Variants in CLSTN2 observed in about 807,000 individuals in gnomAD.
CLSTN2 encodes calsyntenin 2.
A neutral mutation model predicts 101.2 loss-of-function variants in CLSTN2; 48 were observed. The ratio of observed to expected loss-of-function variants is 0.47; its 90% CI spans 0.38 to 0.60. CLSTN2 has a LOEUF of 0.60. CLSTN2 is among the 20% of genes least tolerant of loss of function. The pLI, the probability that CLSTN2 is intolerant of heterozygous loss-of-function variation, is 0.00. For synonymous variants in CLSTN2, 481 were observed against 463.6 expected (o/e 1.04, Z -0.48); for missense variants, 1,160 against 1,238.2 (o/e 0.94, Z 0.95).
At position 140,144,178 on chromosome 3, in the gene CLSTN2, T is replaced by C. The variant is rs888168171; in HGVS notation, c.110-31773T>C. Among the ~76,000 whole-genome samples the C allele has an allele frequency of 2.0e-5, 3 of 152,334 alleles. No individual in the cohort carries two copies. The East Asian group carries it at 5.8e-4, about 29-fold the overall frequency. On this transcript the variant is annotated intron_variant, in intron 1 of 16. Coordinates refer to ENST00000458420, the MANE Select transcript of CLSTN2 (RefSeq NM_022131.3). ...GCTAAAGAACTGACTTCCACAGTTATTTCTGATGACAGGTAAAAATTCTGA... is the reference window on the plus strand; with the variant it reads ...GCTAAAGAACTGACTTCCACAGTTACTTCTGATGACAGGTAAAAATTCTGA...
chr3:140,181,029 A>C (rs1473217423), intron 2 of CLSTN2, among the ~76,000 whole-genome samples: 1 of 152,186 alleles, frequency 6.6e-6, no homozygotes, highest in Non-Finnish European at 1.5e-5. Context: ...CCTCTCCCAC[A>C]TGCTTGGGAT....
chr3:140,264,674 C>T (rs2086681009), intron 2 of CLSTN2, among the ~76,000 whole-genome samples: 1 of 152,018 alleles, frequency 6.6e-6, no homozygotes, highest in South Asian at 2.1e-4. Flanking sequence ...GATTCACTTA[C>T]ATTGCCTTTC....
intron 1 of CLSTN2, among the ~76,000 whole-genome samples, chr3:140,122,166 T>C (rs944381900): frequency 6.6e-6 from 1 of 152,196 alleles, no homozygotes; most frequent in Non-Finnish European, 1.5e-5. Context: ...ACACTTAGGT[T>C]TGACTACAAT....
At chr3:140,519,643 T>C (rs1934988385) in intron 8 of CLSTN2, among the ~76,000 whole-genome samples, 2 of 152,218 alleles carry the variant, frequency 1.3e-5, no homozygotes, top group African/African-American at 4.8e-5. Context: ...CCCTGCTTTT[T>C]TCTGTTTTCC....
chr3:140,228,674 C>T (rs1224430624), intron 2 of CLSTN2, among the ~76,000 whole-genome samples: 1 of 152,198 alleles, frequency 6.6e-6, no homozygotes, highest in African/African-American at 2.4e-5. Context: ...TTTAATTCAA[C>T]TTACAGTTCC....
chr3:140,171,158 G>C (rs1192845876), intron 1 of CLSTN2, among the ~76,000 whole-genome samples: 1 of 152,160 alleles, frequency 6.6e-6, no homozygotes, highest in Non-Finnish European at 1.5e-5. Flanking sequence ...AAGAGCAAAG[G>C]AGTGTGGGGA....
intron 1 of CLSTN2, among the ~76,000 whole-genome samples, chr3:140,093,391 A>C (rs1434341626): frequency 2.0e-5 from 3 of 151,364 alleles, no homozygotes; most frequent in African/African-American, 4.9e-5. Flanking sequence ...GTTTCATCCT[A>C]CCCCCCAGTT....
chr3:140,563,221 A>G lies in CLSTN2; in HGVS notation c.2482+18A>G. On this transcript the variant is annotated intron_variant, in intron 15 of 16. Coordinates refer to ENST00000458420, the MANE Select transcript of CLSTN2 (RefSeq NM_022131.3). The stretch of plus-strand genomic sequence containing the variant: ...CAGTTCAGGTAGGGTGCCCAAGAGG[A>G]GGGACCCTCAGGACACAGGTCGTCA... The G allele has an allele frequency of 6.2e-7, 1 of 1,612,206 alleles. No individual in the cohort carries two copies. Among genetic ancestry groups the G allele is most frequent in the Non-Finnish European group, 8.5e-7 (1 of 1,178,860 alleles).
At chr3:140,275,554 G>A (rs2086786959) in intron 2 of CLSTN2, among the ~76,000 whole-genome samples, 1 of 152,164 alleles carries the variant, frequency 6.6e-6, no homozygotes, top group Non-Finnish European at 1.5e-5. Flanking sequence ...TTACAGGCAT[G>A]AGTCACCCAC....
At position 139,938,397 on chromosome 3, in the gene CLSTN2, G is replaced by A. The variant is rs182674148; in HGVS notation, c.109+2914G>A. On this transcript the variant is annotated intron_variant, in intron 1 of 16. Coordinates refer to ENST00000458420, the MANE Select transcript of CLSTN2 (RefSeq NM_022131.3). Reference sequence around the variant, plus strand: ...TCTTGCTTCTTGCTTCTTGCTTTAGGGACTCGAGCAGTTAATCCCGGACAA... The same window carrying A: ...TCTTGCTTCTTGCTTCTTGCTTTAGAGACTCGAGCAGTTAATCCCGGACAA... Among the ~76,000 whole-genome samples, 104 of 152,180 alleles carry A rather than the reference G, an allele frequency of 6.8e-4. 1 individual carries two copies. Among genetic ancestry groups the A allele is most frequent in the Admixed American group, 2.5e-3 (38 of 15,292 alleles).
chr3:140,565,958 C>T, intron 16 of CLSTN2, 95 bp from the exon 17 acceptor site: 4 of 1,469,530 alleles, frequency 2.7e-6, no homozygotes, highest in Admixed American at 1.9e-5. Flanking sequence ...TCCAAGGGGC[C>T]GTAAATGTTT....
intron 2 of CLSTN2, among the ~76,000 whole-genome samples, chr3:140,231,173 G>A (rs1325693074): frequency 2.0e-5 from 3 of 152,090 alleles, no homozygotes; most frequent in Non-Finnish European, 2.9e-5. Flanking sequence ...AAGTAAGGGA[G>A]GTCTCAGCTT....
At position 139,958,140 on chromosome 3, in the gene CLSTN2, G is replaced by A. The variant is rs115565866; in HGVS notation, c.109+22657G>A. Among the ~76,000 whole-genome samples the A allele has an allele frequency of 7.3e-3, 1,109 of 152,232 alleles. 13 individuals are homozygous for A. The highest frequency in any genetic ancestry group is 0.026 in the African/African-American group (1,066 of 41,542). On this transcript the variant is annotated intron_variant, in intron 1 of 16. Coordinates refer to ENST00000458420, the MANE Select transcript of CLSTN2 (RefSeq NM_022131.3). The stretch of plus-strand genomic sequence containing the variant: ...ACTAGGGGCCAACTCTCATACAGGA[G>A]GCCAGTCAGAGCAAATCCCTGCTCC...
intron 5 of CLSTN2, among the ~76,000 whole-genome samples, chr3:140,421,592 C>A (rs185164793): frequency 6.6e-6 from 1 of 152,148 alleles, no homozygotes; most frequent in South Asian, 2.1e-4. Context: ...AGCCTATTCA[C>A]TTTACCCCAG....
At position 140,140,338 on chromosome 3, in the gene CLSTN2, C is replaced by A. The variant is rs138888501; in HGVS notation, c.110-35613C>A. On this transcript the variant is annotated intron_variant, in intron 1 of 16. Transcript: ENST00000458420. ...CATGGCACCTGACTTTTGCTTCTGA[C>A]GAGGCCTCAGGAAGCTTACTAACAT... is the stretch of plus-strand genomic sequence containing the variant. Among the ~76,000 whole-genome samples the A allele has an allele frequency of 1.5e-3, 225 of 152,130 alleles. 3 individuals carry two copies. Among genetic ancestry groups the A allele is most frequent in the African/African-American group, 5.2e-3 (216 of 41,500 alleles).
At chr3:140,522,768 T>A (rs1935057628) in intron 8 of CLSTN2, among the ~76,000 whole-genome samples, 1 of 152,234 alleles carries the variant, frequency 6.6e-6, no homozygotes, top group African/African-American at 2.4e-5. Flanking sequence ...ACTTATTGAT[T>A]TATTTTTATT....
At chr3:140,456,014 G>T (rs568559889) in intron 6 of CLSTN2, among the ~76,000 whole-genome samples, 1 of 152,310 alleles carries the variant, frequency 6.6e-6, no homozygotes, top group South Asian at 2.1e-4. Context: ...CAGAGCAGTG[G>T]CCTGTGTAGG....
chr3:140,399,942 G>T (rs966203724), intron 2 of CLSTN2, among the ~76,000 whole-genome samples: 7 of 151,542 alleles, frequency 4.6e-5, no homozygotes, highest in Non-Finnish European at 1.0e-4. Context: ...TTTACCTTTG[G>T]GTTACTGATA....
At chr3:140,064,265 G>A (rs1320902855) in intron 1 of CLSTN2, among the ~76,000 whole-genome samples, 3 of 152,196 alleles carry the variant, frequency 2.0e-5, no homozygotes, top group Non-Finnish European at 4.4e-5. Context: ...GGATTGTAGG[G>A]AGCGTCTACT....
Sources: allele counts gnomAD v4.1 joint callset (sites outside exome capture counted in the v4.1 genomes callset), GRCh38; gene constraint gnomAD v4.1.1; transcripts MANE v1.5; gene names NCBI Gene and HGNC (gene_info 2026-07-23, HGNC 2026-07-21).